Variants in ZNF326 observed in about 807,000 individuals in gnomAD.
ZNF326 encodes zinc finger protein 326, also known as DBIRD complex subunit ZNF326.
In ZNF326, 30 loss-of-function variants were observed where a neutral mutation model predicts 63.1. The observed-to-expected ratio is 0.48, with a 90% CI of 0.36 to 0.64. ZNF326 has a LOEUF of 0.64. Ranked by LOEUF, ZNF326 falls within the 30% of genes least tolerant of loss-of-function variation. The pLI is 0.00. For missense variants in ZNF326, 609 were observed against 720.3 expected (o/e 0.85, Z 1.77); for synonymous variants, 194 against 228.2 (o/e 0.85, Z 1.35).
chr1:90,034,045 G>A lies in ZNF326; in HGVS notation c.*6344G>A, dbSNP rs1650390166. On this transcript the variant is annotated 3_prime_UTR_variant, in exon 12 of 12. Transcript: ENST00000340281. ...TGCAGGATGAATACTGACAAAATATGTGTAATCCCAAGCTTAGAAAAATCT... is the reference window on the plus strand; with the variant it reads ...TGCAGGATGAATACTGACAAAATATATGTAATCCCAAGCTTAGAAAAATCT... 6.6e-6 allele frequency: 1 copy of A among 152,060 alleles called. No homozygotes were observed. Among genetic ancestry groups the A allele is most frequent in the Admixed American group, 6.6e-5 (1 of 15,266 alleles). 9.4% of individuals were successfully genotyped at this position (152,060 alleles called of 1,614,324 possible).
At position 89,998,124 on chromosome 1, in the gene ZNF326, G is replaced by C. The variant is rs567038811; in HGVS notation, c.31G>C (p.Ala11Pro). The C allele has an allele frequency of 8.1e-6, 13 of 1,612,644 alleles. No homozygotes were observed. The African/African-American group carries it at 1.3e-4, about 17-fold the overall frequency. MDFEDDYTHS[A>P]CRNTYQGFNG... ...TGTCTTCATAGATTACACACACTCC[G>C]CCTGCAGGAATACTTATCAGGGCTT... Residue 11 changes from alanine (A) to proline (P), a missense_variant, in exon 2 of 12, where the codon GCC becomes CCC. Transcript: ENST00000340281.
At position 90,027,678 on chromosome 1, in the gene ZNF326, G is replaced by A. The variant is rs771755674; in HGVS notation, c.1726G>A (p.Val576Ile). 1.9e-6 allele frequency: 3 copies of A among 1,613,908 alleles called. No homozygotes were observed. Among genetic ancestry groups the A allele is most frequent in the Admixed American group, 1.7e-5 (1 of 60,004 alleles). Reference sequence around the variant, plus strand: ...AAAGGAAGAACCTGCTGACTTCCCTGTTGAGCAACCTGAAGAAAATTAAAT... The same window carrying A: ...AAAGGAAGAACCTGCTGACTTCCCTATTGAGCAACCTGAAGAAAATTAAAT... ...TAKEEPADFPVEQPEEN is the reference protein window; with the variant it reads ...TAKEEPADFPIEQPEEN The change falls in exon 12 of 12, where the codon GTT (valine) becomes ATT (isoleucine). Residue 576 changes from valine to isoleucine, a missense_variant. Coordinates refer to ENST00000340281, the MANE Select transcript of ZNF326 (RefSeq NM_182976.4).
chr1:90,005,982 G>T (rs1048779843), intron 4 of ZNF326: 26 of 985,276 alleles, frequency 2.6e-5, no homozygotes, highest in Admixed American at 6.1e-5. Context: ...AGGAGAAGGG[G>T]TGTCTACTTT....
At position 90,034,431 on chromosome 1, in the gene ZNF326, A is replaced by C. The variant is rs570419965; in HGVS notation, c.*6730A>C. The stretch of plus-strand genomic sequence containing the variant: ...GAAATTGTCAGATAAAGAGTTCAAA[A>C]TAGAGGAAACATTTTGAATTATATA... On this transcript the variant is annotated 3_prime_UTR_variant, in exon 12 of 12. Transcript: ENST00000340281. The C allele has an allele frequency of 1.3e-4, 20 of 152,314 alleles. No homozygotes were observed. The highest frequency in any genetic ancestry group is 1.3e-3 in the Admixed American group (20 of 15,300). The allele number at this position is 152,314 out of a possible 1,614,324, so 9.4% of individuals were successfully genotyped here.
rs1650163945 is a variant in ZNF326, at chr1:90,029,324, A to G, written c.*1623A>G. ...AGGTGAACTAGGTTTGCCTAGCTTT[A>G]AGCTAGCAATATCTGATAGATACTT... On this transcript the variant is annotated 3_prime_UTR_variant, in exon 12 of 12. Coordinates refer to ENST00000340281, the MANE Select transcript of ZNF326 (RefSeq NM_182976.4). 6.6e-6 allele frequency: 1 copy of G among 150,538 alleles called. No individual in the cohort carries two copies. The highest frequency in any genetic ancestry group is 2.4e-5 in the African/African-American group (1 of 40,926). 9.3% of individuals were successfully genotyped at this position (150,538 alleles called of 1,614,324 possible). A position where few individuals can be genotyped will look rare whatever the true frequency, so the allele number is the denominator to read the frequency against.
chr1:89,996,640 G>A (rs890402936), intron 1 of ZNF326, among the ~76,000 whole-genome samples: 7 of 152,070 alleles, frequency 4.6e-5, no homozygotes, highest in Admixed American at 4.6e-4. Context: ...TTGGGAGGCG[G>A]AGGCAGAAGA....
In ZNF326 at chr1:90,027,338, T is replaced by C. The variant is rs1650057639; in HGVS notation, c.1402-16T>C. 1 of 1,610,076 alleles carries C rather than the reference T, an allele frequency of 6.2e-7. No individual in the cohort carries two copies. Among genetic ancestry groups the C allele is most frequent in the Admixed American group, 1.7e-5 (1 of 59,172 alleles). ...ATGAATGTGCTGATTTTGAAAGCCATTTCTTATGTTTTTAGGGTGAGAATC... is the reference window on the plus strand; with the variant it reads ...ATGAATGTGCTGATTTTGAAAGCCACTTCTTATGTTTTTAGGGTGAGAATC... On this transcript the variant is annotated splice_polypyrimidine_tract_variant and intron_variant, in intron 11 of 11. Coordinates refer to ENST00000340281, the MANE Select transcript of ZNF326 (RefSeq NM_182976.4).
chr1:90,005,731 T>C (rs1648955821), intron 4 of ZNF326: 1 of 983,802 alleles, frequency 1.0e-6, no homozygotes, highest in African/African-American at 1.7e-5. Flanking sequence ...ATTCCTTTAA[T>C]TCTAATTTTA....
intron 7 of ZNF326, among the ~76,000 whole-genome samples, chr1:90,013,453 A>C (rs1317187744): frequency 6.6e-6 from 1 of 152,250 alleles, no homozygotes; most frequent in African/African-American, 2.4e-5. Flanking sequence ...AATCCAAAAG[A>C]TATCAAATAT....
intron 7 of ZNF326, among the ~76,000 whole-genome samples, chr1:90,016,481 C>T (rs946476701): frequency 1.8e-4 from 28 of 151,866 alleles, no homozygotes; most frequent in Admixed American, 1.1e-3. Context: ...TTTGGGAGGC[C>T]GAGGCAGGCA....
At position 90,027,769 on chromosome 1, in the gene ZNF326, A is replaced by G. The variant is rs1312139235; in HGVS notation, c.*68A>G. ...TAATGTAAAAAAGGGTAAGAAATTT[A>G]ATAGCTTAAAATATGAATTAACACC... On this transcript the variant is annotated 3_prime_UTR_variant, in exon 12 of 12. Transcript: ENST00000340281. 3 of 1,446,548 alleles carry G rather than the reference A, an allele frequency of 2.1e-6. No individual in the cohort carries two copies. Among genetic ancestry groups the G allele is most frequent in the Non-Finnish European group, 2.9e-6 (3 of 1,041,830 alleles). 89.6% of individuals were successfully genotyped at this position (1,446,548 alleles called of 1,614,324 possible).
intron 11 of ZNF326, among the ~76,000 whole-genome samples, 195 bp downstream of exon 11, chr1:90,022,540 C>T (rs910072672): frequency 2.0e-5 from 3 of 152,132 alleles, no homozygotes; most frequent in Admixed American, 6.5e-5. Context: ...TGATTCCTCT[C>T]TTATCACCTT....
chr1:89,999,860 G>A (rs1648582045), intron 2 of ZNF326, among the ~76,000 whole-genome samples: 1 of 152,182 alleles, frequency 6.6e-6, no homozygotes, highest in Non-Finnish European at 1.5e-5. Context: ...TAGGAGGTGG[G>A]AATATAGCAG....
chr1:90,014,354 T>A (rs1379593635), intron 7 of ZNF326, among the ~76,000 whole-genome samples: 1 of 152,106 alleles, frequency 6.6e-6, no homozygotes, highest in African/African-American at 2.4e-5. Context: ...GATTAAAACA[T>A]CACCCAAATT....
chr1:90,023,286 C>T (rs181087039), intron 11 of ZNF326, among the ~76,000 whole-genome samples: 1 of 152,258 alleles, frequency 6.6e-6, no homozygotes, highest in East Asian at 1.9e-4. Flanking sequence ...CTGAAGAGAG[C>T]TGTTGTGTTG....
chr1:90,032,882 G>A lies in ZNF326; in HGVS notation c.*5181G>A, dbSNP rs1650333905. 1.3e-5 allele frequency: 2 copies of A among 152,190 alleles called. No individual in the cohort carries two copies. Among genetic ancestry groups the A allele is most frequent in the African/African-American group, 4.8e-5 (2 of 41,448 alleles). The allele number at this position is 152,190 out of a possible 1,614,324, so 9.4% of individuals were successfully genotyped here. ...ATATAATGCAGAGCATACAAATAGGGGCCATCGAAGTGTGGCAATGCCCTA... is the reference window on the plus strand; with the variant it reads ...ATATAATGCAGAGCATACAAATAGGAGCCATCGAAGTGTGGCAATGCCCTA... On this transcript the variant is annotated 3_prime_UTR_variant, in exon 12 of 12. Coordinates refer to ENST00000340281, the MANE Select transcript of ZNF326 (RefSeq NM_182976.4).
At chr1:90,005,310 G>A (rs1437136390) in intron 4 of ZNF326, 66 bp downstream of exon 4, 17 of 1,561,046 alleles carry the variant, frequency 1.1e-5, no homozygotes, top group Non-Finnish European at 1.2e-5. Context: ...ATTATTTTAA[G>A]TACTCTTTAG....
chr1:90,027,822 A>G lies in ZNF326; in HGVS notation c.*121A>G. On this transcript the variant is annotated 3_prime_UTR_variant, in exon 12 of 12. Coordinates refer to ENST00000340281, the MANE Select transcript of ZNF326 (RefSeq NM_182976.4). ...TGTTGCATGCATTCCACATATTAAA[A>G]TTTGTTTTATATAATTTCTAAATGT... 1.1e-6 allele frequency: 1 copy of G among 872,148 alleles called. No homozygotes were observed. Among genetic ancestry groups the G allele is most frequent in the Non-Finnish European group, 1.7e-6 (1 of 582,774 alleles). The allele number at this position is 872,148 out of a possible 1,614,324, so 54.0% of individuals were successfully genotyped here. A position where few individuals can be genotyped will look rare whatever the true frequency, so the allele number is the denominator to read the frequency against.
chr1:90,002,895 A>G (rs954787724), intron 2 of ZNF326, among the ~76,000 whole-genome samples: 1 of 152,202 alleles, frequency 6.6e-6, no homozygotes, highest in South Asian at 2.1e-4. Flanking sequence ...GTTTTTATAT[A>G]AAATGCAGAT....
Sources: allele counts gnomAD v4.1 joint callset (sites outside exome capture counted in the v4.1 genomes callset), GRCh38; gene constraint gnomAD v4.1.1; transcripts MANE v1.5; gene names NCBI Gene and HGNC (gene_info 2026-07-23, HGNC 2026-07-21).